GPM6B: variants seen among roughly 807,000 people sequenced by gnomAD.
GPM6B encodes the protein glycoprotein M6B.
GPM6B carries 4 observed loss-of-function variants against 27.2 expected under a neutral mutation model. The observed-to-expected ratio is 0.15, with a 90% CI of 0.07 to 0.34. The LOEUF is 0.34. Among genes scored for constraint, GPM6B ranks in the 10% least tolerant of loss-of-function variants. GPM6B has a pLI of 1.00. For synonymous variants in GPM6B, 124 were observed against 103.1 expected (o/e 1.20, Z -1.23); for missense variants, 183 against 261.9 (o/e 0.70, Z 2.08).
intron 1 of GPM6B, among the ~76,000 whole-genome samples, chrX:13,844,411 G>A (rs1029732215): frequency 8.9e-6 from 1 of 112,201 alleles, no homozygotes; most frequent in Admixed American, 9.4e-5. Flanking sequence ...TCTGACTGAT[G>A]CTTGTTAGAT....
chrX:13,927,959 TA>T (rs1237825413), intron 1 of GPM6B, among the ~76,000 whole-genome samples: 2 of 112,062 alleles, frequency 1.8e-5, no homozygotes, highest in African/African-American at 6.5e-5. Flanking sequence ...GAACCAATGA[TA>T]TGTGTACTTC....
chrX:13,797,795 A>G (rs939482333), intron 2 of GPM6B, among the ~76,000 whole-genome samples: 2 of 111,879 alleles, frequency 1.8e-5, no homozygotes, highest in Non-Finnish European at 3.8e-5. Flanking sequence ...GGACATCTTC[A>G]GTAAAAGCAG....
At chrX:13,938,259 G>C (rs972289856) in intron 1 of GPM6B, 2 of 259,184 alleles carry the variant, frequency 7.7e-6, no homozygotes, top group African/African-American at 3.0e-5. Flanking sequence ...CCGCACGTGC[G>C]GGGGTGCAGC....
At chrX:13,891,449 A>G (rs1304100623) in intron 1 of GPM6B, among the ~76,000 whole-genome samples, 1 of 112,151 alleles carries the variant, frequency 8.9e-6, no homozygotes, top group Non-Finnish European at 1.9e-5. Flanking sequence ...AACAACAACA[A>G]CAAACCCTGC....
At chrX:13,873,438 C>T (rs761672187) in intron 1 of GPM6B, among the ~76,000 whole-genome samples, 4 of 111,457 alleles carry the variant, frequency 3.6e-5, no homozygotes, top group South Asian at 7.6e-4. Flanking sequence ...GATTCTTAAA[C>T]GAGGGATTAT....
At chrX:13,857,163 C>T (rs1196166543) in intron 1 of GPM6B, among the ~76,000 whole-genome samples, 2 of 111,396 alleles carry the variant, frequency 1.8e-5, no homozygotes, top group Non-Finnish European at 3.8e-5. Context: ...CCAGAGTAAT[C>T]TCCCCATTTT....
chrX:13,807,932 T>C (rs892919652), intron 1 of GPM6B, among the ~76,000 whole-genome samples, 163 bp from the exon 2 acceptor site: 3 of 112,503 alleles, frequency 2.7e-5, no homozygotes, highest in Non-Finnish European at 3.8e-5. Context: ...GAGAATGTCC[T>C]CCGTTTCTAA....
chrX:13,817,289 A>C (rs748543024), upstream of GPM6B: 22 of 778,571 alleles, frequency 2.8e-5, no homozygotes, highest in East Asian at 2.0e-3. Flanking sequence ...CTTTCTTAAG[A>C]TCTCAATCTC....
intron 1 of GPM6B, among the ~76,000 whole-genome samples, chrX:13,846,820 C>G (rs372228163): frequency 7.1e-5 from 3 of 42,425 alleles, no homozygotes; most frequent in Non-Finnish European, 1.3e-4. Context: ...TAAACTTTTT[C>G]TTCTTTGCCT....
chrX:13,822,443 G>C (rs181405846), intron 1 of GPM6B, among the ~76,000 whole-genome samples: 47 of 109,871 alleles, frequency 4.3e-4, no homozygotes, highest in African/African-American at 1.5e-3. Flanking sequence ...TCGGCTCACT[G>C]TAACCTCTGC....
intron 3 of GPM6B, among the ~76,000 whole-genome samples, chrX:13,785,015 C>G (rs1036259900): frequency 9.0e-6 from 1 of 111,319 alleles, no homozygotes; most frequent in Non-Finnish European, 1.9e-5. Context: ...TTGAGACAAT[C>G]GGCAGCATCA....
chrX:13,776,217 G>T lies in GPM6B; in HGVS notation c.837+21C>A, dbSNP rs778334928. Reference sequence around the variant, plus strand: ...TGGAGGGAGGAGGCTAGACTAGGGTGGTCTTGGGGCCATTACTCACCAGGG... The same window carrying T: ...TGGAGGGAGGAGGCTAGACTAGGGTTGTCTTGGGGCCATTACTCACCAGGG... On this transcript the variant is annotated intron_variant, in intron 7 of 7. Transcript: ENST00000316715. 2.5e-5 allele frequency: 29 copies of T among 1,177,023 alleles called. No homozygotes were observed. In the East Asian group the frequency reaches 8.0e-4, roughly 33 times the overall value.
At chrX:13,932,667 G>A (rs1921634424) in intron 1 of GPM6B, among the ~76,000 whole-genome samples, 1 of 111,286 alleles carries the variant, frequency 9.0e-6, no homozygotes, top group Non-Finnish European at 1.9e-5. Context: ...ATGATATTGT[G>A]GTAGGTACTC....
intron 1 of GPM6B, among the ~76,000 whole-genome samples, chrX:13,915,920 T>C (rs2050424492): frequency 8.9e-6 from 1 of 111,869 alleles, no homozygotes; most frequent in Non-Finnish European, 1.9e-5. Context: ...ATAAGAAGCA[T>C]CCTTTTGTCC....
At chrX:13,878,199 T>C in intron 1 of GPM6B, among the ~76,000 whole-genome samples, 1 of 109,872 alleles carries the variant, frequency 9.1e-6, no homozygotes, top group South Asian at 3.9e-4. Context: ...CTCTTACGAA[T>C]ATTCTATTCA....
At chrX:13,916,663 A>ATGTGTGTGTGTGTGTGTGTGTG (rs55844856) in intron 1 of GPM6B, among the ~76,000 whole-genome samples, 1 of 90,158 alleles carries the variant, frequency 1.1e-5, no homozygotes, top group South Asian at 5.9e-4. Flanking sequence ...TAGTTTATTA[A>ATGTGTGTGTGTGTGTGTGTGTG]TGTGTGTGTG....
intron 1 of GPM6B, among the ~76,000 whole-genome samples, chrX:13,842,261 T>C (rs966011658): frequency 8.9e-6 from 1 of 112,213 alleles, no homozygotes; most frequent in Non-Finnish European, 1.9e-5. Context: ...ACCTTTGGCT[T>C]TTAAAATAAA....
intron 1 of GPM6B, among the ~76,000 whole-genome samples, chrX:13,809,410 G>A (rs1008697366): frequency 9.8e-5 from 11 of 111,722 alleles, no homozygotes; most frequent in East Asian, 5.6e-4. Flanking sequence ...CTAAAGAAAC[G>A]GTCCAGGTCC....
At chrX:13,916,675 G>C (rs945989104) in intron 1 of GPM6B, among the ~76,000 whole-genome samples, 2 of 106,527 alleles carry the variant, frequency 1.9e-5, no homozygotes, top group Middle Eastern at 4.7e-3. Context: ...GTGTGTGTGT[G>C]TGTGTGTGTG....
Sources: gnomAD v4.1 joint callset for allele counts (sites outside exome capture counted in the v4.1 genomes callset) on GRCh38, gnomAD v4.1.1 for gene constraint, MANE v1.5 for transcripts, NCBI Gene and HGNC (gene_info 2026-07-23, HGNC 2026-07-21) for gene names.